Variants in RFTN1 observed in about 807,000 individuals in gnomAD.
RFTN1 encodes raftlin.
In RFTN1, 26 loss-of-function variants were observed where a neutral mutation model predicts 46.5. The ratio of observed to expected loss-of-function variants is 0.56; its 90% CI spans 0.41 to 0.78. RFTN1 has a LOEUF of 0.78. Among genes scored for constraint, RFTN1 ranks in the 30% least tolerant of loss-of-function variants. The pLI is 0.00. For synonymous variants in RFTN1, 261 were observed against 284.2 expected, an observed-to-expected ratio of 0.92 and a Z score of 0.82; for missense variants, 693 against 718.7, an observed-to-expected ratio of 0.96 and a Z score of 0.41.
In RFTN1 at chr3:16,513,107, C is replaced by G. The variant is rs2125021744; in HGVS notation, c.-9+335G>C. The G allele has an allele frequency of 6.5e-6, 1 of 153,056 alleles. No homozygotes were observed. The allele number at this position is 153,056 out of a possible 1,614,324, so 9.5% of individuals were successfully genotyped here. On this transcript the variant is annotated intron_variant, in intron 1 of 9. Coordinates refer to ENST00000334133, the MANE Select transcript of RFTN1 (RefSeq NM_015150.2). This position sits in a 1 kb window ranked among gnomAD's most constrained non-coding sequence, Gnocchi z 5.4. ...AAGCTCCCCCACCTCTGCGTCCTTC[C>G]TAGGCGCTTCTGAGCCTGCAGAGCC...
At position 16,351,464 on chromosome 3, in the gene RFTN1, C is replaced by T. The variant is rs535754003; in HGVS notation, c.1146+6468G>A. 1.0e-3 allele frequency among the ~76,000 whole-genome samples: 157 copies of T among 152,266 alleles called. No individual in the cohort carries two copies. The highest frequency in any genetic ancestry group is 1.9e-3 in the Non-Finnish European group (129 of 68,026). ...GGTTAACTCAACAAAAGATTGAATA[C>T]GCAGGCAGAGAGTGGAGAAGAGCTG... On this transcript the variant is annotated intron_variant, in intron 7 of 9. Coordinates refer to ENST00000334133, the MANE Select transcript of RFTN1 (RefSeq NM_015150.2). This position sits in a 1 kb window ranked among gnomAD's most constrained non-coding sequence, Gnocchi z 5.4.
chr3:16,364,622 C>T (rs1303795741), intron 6 of RFTN1, among the ~76,000 whole-genome samples: 3 of 152,076 alleles, frequency 2.0e-5, no homozygotes, highest in Non-Finnish European at 4.4e-5. Context: ...TTTGGGGCCA[C>T]ATCTGTGCAG....
intron 1 of RFTN1, among the ~76,000 whole-genome samples, chr3:16,508,147 G>C (rs1371478114): frequency 1.3e-5 from 2 of 152,150 alleles, no homozygotes; most frequent in Non-Finnish European, 2.9e-5. Context: ...CTGAGGAGTG[G>C]CTTCCTCTCT....
chr3:16,503,015 G>A (rs190219701), intron 1 of RFTN1, among the ~76,000 whole-genome samples: 3 of 152,350 alleles, frequency 2.0e-5, no homozygotes, highest in African/African-American at 7.2e-5. Flanking sequence ...AAGTTTTGGT[G>A]TAATTTGTTA....
intron 4 of RFTN1, among the ~76,000 whole-genome samples, chr3:16,386,533 C>G (rs1057253225): frequency 4.6e-5 from 7 of 152,230 alleles, no homozygotes. Context: ...CCAGAGCCCA[C>G]GTTGCTACCT....
rs1264892618 is a variant in RFTN1, at chr3:16,426,497, A to T, written c.332+7354T>A. On this transcript the variant is annotated intron_variant, in intron 3 of 9. Coordinates refer to ENST00000334133, the MANE Select transcript of RFTN1 (RefSeq NM_015150.2). The surrounding 1 kb of genome is among the most constrained non-coding windows in gnomAD (Gnocchi z 5.9). The stretch of plus-strand genomic sequence containing the variant: ...ATGTTCATATTATCTTGTAGGCTAT[A>T]AAAAAAAGATAACATAATGCATTTG... 1.3e-5 allele frequency among the ~76,000 whole-genome samples: 2 copies of T among 152,100 alleles called. No homozygotes were observed. The highest frequency in any genetic ancestry group is 2.9e-5 in the Non-Finnish European group (2 of 68,022).
intron 2 of RFTN1, among the ~76,000 whole-genome samples, chr3:16,462,823 A>G (rs1342397000): frequency 6.6e-6 from 1 of 152,240 alleles, no homozygotes; most frequent in Non-Finnish European, 1.5e-5. Flanking sequence ...TGACCTTTAA[A>G]CTACAACTTG....
chr3:16,318,192 G>A (rs1005165799), intron 9 of RFTN1, among the ~76,000 whole-genome samples: 4 of 152,014 alleles, frequency 2.6e-5, no homozygotes, highest in East Asian at 3.9e-4. Context: ...GTCACTGACC[G>A]GCCAAGTTTC....
rs748023276 is a variant in RFTN1, at chr3:16,358,064, A to AG, written c.1031-18dup. 1.1e-5 allele frequency: 4 copies of AG among 351,118 alleles called. No individual in the cohort carries two copies. The highest frequency in any genetic ancestry group is 2.8e-5 in the South Asian group (1 of 35,624). 21.8% of individuals were successfully genotyped at this position (351,118 alleles called of 1,614,324 possible). A position where few individuals can be genotyped will look rare whatever the true frequency, so the allele number is the denominator to read the frequency against. On this transcript the variant is annotated splice_polypyrimidine_tract_variant and intron_variant, in intron 6 of 9. Coordinates refer to ENST00000334133, the MANE Select transcript of RFTN1 (RefSeq NM_015150.2). ...GTAAGGAATCTGTGGAAAAAGAAAA[A>AG]GGCGGGGGTGGGGGGGGTCTGTAAA...
At chr3:16,331,080 C>T (rs2070258030) in intron 7 of RFTN1, among the ~76,000 whole-genome samples, 1 of 152,206 alleles carries the variant, frequency 6.6e-6, no homozygotes, top group Non-Finnish European at 1.5e-5. Context: ...GAGACCACTT[C>T]TGGGGTGTTC....
At chr3:16,405,553 G>A (rs2074836177) in intron 4 of RFTN1, among the ~76,000 whole-genome samples, 1 of 152,192 alleles carries the variant, frequency 6.6e-6, no homozygotes, top group Admixed American at 6.5e-5. Flanking sequence ...TCATGATGGA[G>A]AGAGGCATAA....
chr3:16,337,985 A>G lies in RFTN1; in HGVS notation c.1147-11109T>C, dbSNP rs1283477446. Among the ~76,000 whole-genome samples, 1 of 152,174 alleles carries G rather than the reference A, an allele frequency of 6.6e-6. No homozygotes were observed. The highest frequency in any genetic ancestry group is 1.5e-5 in the Non-Finnish European group (1 of 68,030). On this transcript the variant is annotated intron_variant, in intron 7 of 9. Coordinates refer to ENST00000334133, the MANE Select transcript of RFTN1 (RefSeq NM_015150.2). This position sits in a 1 kb window ranked among gnomAD's most constrained non-coding sequence, Gnocchi z 5.0. ...CCAGCTTGCCCTGGAAGAGAGAGAT[A>G]AAAACCCACACTGGGTAGATCGTCC...
In RFTN1 at chr3:16,489,205, A is replaced by G. The variant is rs1428029237; in HGVS notation, c.145+4520T>C. Reference sequence around the variant, plus strand: ...AGCTGAGGCAGGCAGATCACCTGAGATCAGGAGTTCGAGACCAGCCTGGCC... The same window carrying G: ...AGCTGAGGCAGGCAGATCACCTGAGGTCAGGAGTTCGAGACCAGCCTGGCC... On this transcript the variant is annotated intron_variant, in intron 2 of 9. Transcript: ENST00000334133. The surrounding 1 kb of genome is among the most constrained non-coding windows in gnomAD (Gnocchi z 4.0). Among the ~76,000 whole-genome samples, 1 of 152,108 alleles carries G rather than the reference A, an allele frequency of 6.6e-6. No homozygotes were observed. Among genetic ancestry groups the G allele is most frequent in the Non-Finnish European group, 1.5e-5 (1 of 68,010 alleles).
chr3:16,365,474 A>T (rs1559293209), intron 6 of RFTN1, among the ~76,000 whole-genome samples: 1 of 152,178 alleles, frequency 6.6e-6, no homozygotes. Context: ...AAACATGTAC[A>T]TGTGTTTTAC....
In RFTN1 at chr3:16,322,290, C is replaced by T. The variant is rs1047584190; in HGVS notation, c.1332+1086G>A. Among the ~76,000 whole-genome samples the T allele has an allele frequency of 7.2e-5, 11 of 152,238 alleles. No homozygotes were observed. Among genetic ancestry groups the T allele is most frequent in the African/African-American group, 2.7e-4 (11 of 41,460 alleles). On this transcript the variant is annotated intron_variant, in intron 9 of 9. Transcript: ENST00000334133. The surrounding 1 kb of genome is among the most constrained non-coding windows in gnomAD (Gnocchi z 6.2). ...CTCCACACTCCAGCCCATCTGGCTTCAAGTCACCATTGCTTTGGCACTCCT... is the reference window on the plus strand; with the variant it reads ...CTCCACACTCCAGCCCATCTGGCTTTAAGTCACCATTGCTTTGGCACTCCT...
intron 5 of RFTN1, among the ~76,000 whole-genome samples, chr3:16,372,184 G>C (rs145278618): frequency 6.6e-6 from 1 of 152,286 alleles, no homozygotes; most frequent in Non-Finnish European, 1.5e-5. Context: ...AGTAGGAATG[G>C]GCAACAGGAA....
chr3:16,492,166 T>C (rs2124989969), intron 2 of RFTN1, among the ~76,000 whole-genome samples: 1 of 152,184 alleles, frequency 6.6e-6, no homozygotes, highest in South Asian at 2.1e-4. Context: ...AAGGGAGCAA[T>C]CTGAAAAGGA....
intron 2 of RFTN1, 92 bp from the exon 3 acceptor site, chr3:16,434,129 T>G: frequency 9.3e-7 from 1 of 1,070,722 alleles, no homozygotes; most frequent in Non-Finnish European, 1.3e-6. Context: ...TCGGGGAGGA[T>G]CCTCTAGGTC....
At position 16,507,013 on chromosome 3, in the gene RFTN1, T is replaced by C. The variant is rs2076817846; in HGVS notation, c.-9+6429A>G. ...ATACAGGCTCTGGAACCAGACTGAC[T>C]AGGTTCAAATCCTGCTGCCCTTATT... On this transcript the variant is annotated intron_variant, in intron 1 of 9. Transcript: ENST00000334133. The surrounding 1 kb of genome is among the most constrained non-coding windows in gnomAD (Gnocchi z 7.1). 6.6e-6 allele frequency among the ~76,000 whole-genome samples: 1 copy of C among 152,218 alleles called. No homozygotes were observed. The highest frequency in any genetic ancestry group is 2.1e-4 in the South Asian group (1 of 4,834).
Sources: gnomAD v4.1 joint callset for allele counts (sites outside exome capture counted in the v4.1 genomes callset) on GRCh38, gnomAD v4.1.1 for gene constraint, Gnocchi (gnomAD v3.1) non-coding constraint, MANE v1.5 for transcripts, NCBI Gene and HGNC (gene_info 2026-07-23, HGNC 2026-07-21) for gene names.